The following CCSER1 variants were observed in gnomAD, a reference collection of about 807,000 sequenced individuals.
The protein encoded by CCSER1 is coiled-coil serine rich protein 1, also known as serine-rich coiled-coil domain-containing protein 1.
A neutral mutation model predicts 82.0 loss-of-function variants in CCSER1; 41 were observed. The observed-to-expected ratio is 0.50, with a 90% confidence interval of 0.39 to 0.65. The LOEUF is 0.65. Ranked by LOEUF, CCSER1 falls within the 30% of genes least tolerant of loss-of-function variation. CCSER1 has a pLI of 0.00. For synonymous variants in CCSER1, 414 were observed against 383.9 expected (o/e 1.08, Z -0.92); for missense variants, 1,119 against 1,064.2 (o/e 1.05, Z -0.72).
chr4:91,507,559 T>G (rs1578649908), intron 10 of CCSER1, among the ~76,000 whole-genome samples: 1 of 151,980 alleles, frequency 6.6e-6, no homozygotes, highest in East Asian at 1.9e-4. Flanking sequence ...GTATCATTTT[T>G]GAGGAATCAT....
At chr4:90,891,144 G>A (rs1722904274) in intron 8 of CCSER1, among the ~76,000 whole-genome samples, 1 of 151,432 alleles carries the variant, frequency 6.6e-6, no homozygotes, top group South Asian at 2.1e-4. Context: ...AACAGAAAAA[G>A]CAAATAATAA....
chr4:91,170,514 A>T (rs1732642055), intron 10 of CCSER1, among the ~76,000 whole-genome samples: 3 of 152,198 alleles, frequency 2.0e-5, no homozygotes, highest in Admixed American at 2.0e-4. Context: ...GATAAGTGTG[A>T]CTGGGTGTGA....
intron 4 of CCSER1, among the ~76,000 whole-genome samples, chr4:90,417,408 G>A (rs1045829350): frequency 6.6e-6 from 1 of 151,794 alleles, no homozygotes; most frequent in African/African-American, 2.4e-5. Context: ...TACTCAAAGA[G>A]AAATTATGGC....
At chr4:90,693,367 C>T (rs1006377412) in intron 6 of CCSER1, 7 of 151,874 alleles carry the variant, frequency 4.6e-5, no homozygotes, top group African/African-American at 7.2e-5. Flanking sequence ...CACAAATTCA[C>T]ATTTTCTTTT....
chr4:90,631,434 G>A (rs1724405569), intron 6 of CCSER1, among the ~76,000 whole-genome samples: 1 of 152,096 alleles, frequency 6.6e-6, no homozygotes, highest in African/African-American at 2.4e-5. Context: ...TTTCTTGTGA[G>A]CAAATCAAGT....
chr4:90,934,022 G>A (rs1730613598), intron 9 of CCSER1, among the ~76,000 whole-genome samples: 1 of 151,570 alleles, frequency 6.6e-6, no homozygotes, highest in African/African-American at 2.4e-5. Context: ...ACCTAGCAAT[G>A]GTATCTCTAG....
rs552967633 is a variant in CCSER1, at chr4:90,168,575, C to T, written c.-42+40744C>T. Among the ~76,000 whole-genome samples the T allele has an allele frequency of 1.7e-4, 26 of 152,184 alleles. No homozygotes were observed. In the South Asian group the frequency reaches 2.3e-3, roughly 13 times the overall value. Reference sequence around the variant, plus strand: ...CATGCCTATGTCCTGAATGGTACTGCCTAGGTTTTCTTCTAGGGTTTTTAT... The same window carrying T: ...CATGCCTATGTCCTGAATGGTACTGTCTAGGTTTTCTTCTAGGGTTTTTAT... On this transcript the variant is annotated intron_variant, in intron 1 of 10. Transcript: ENST00000509176.
At chr4:91,151,141 T>G (rs2148953053) in intron 10 of CCSER1, among the ~76,000 whole-genome samples, 1 of 152,288 alleles carries the variant, frequency 6.6e-6, no homozygotes, top group Middle Eastern at 3.4e-3. Flanking sequence ...TTGCCTCAAT[T>G]TCAGAGTCTG....
At chr4:91,159,831 T>C (rs1007913745) in intron 10 of CCSER1, among the ~76,000 whole-genome samples, 1 of 151,892 alleles carries the variant, frequency 6.6e-6, no homozygotes, top group Non-Finnish European at 1.5e-5. Flanking sequence ...CTAATCAAAT[T>C]CTAAGATATT....
intron 9 of CCSER1, among the ~76,000 whole-genome samples, chr4:90,990,657 C>T (rs1736949719): frequency 6.6e-6 from 1 of 151,896 alleles, no homozygotes; most frequent in South Asian, 2.1e-4. Flanking sequence ...TGCACTGAAT[C>T]AGAATTTCTG....
chr4:91,139,165 A>G (rs1728780769), intron 10 of CCSER1, among the ~76,000 whole-genome samples: 1 of 152,178 alleles, frequency 6.6e-6, no homozygotes, highest in African/African-American at 2.4e-5. Flanking sequence ...TAATTCATTT[A>G]GAAGAATGAA....
rs1731704774 is a variant in CCSER1, at chr4:90,665,976, G to A, written c.1932+37744G>A. Among the ~76,000 whole-genome samples the A allele has an allele frequency of 2.0e-5, 3 of 152,006 alleles. No homozygotes were observed. In the South Asian group the frequency reaches 6.2e-4, roughly 32 times the overall value. On this transcript the variant is annotated intron_variant, in intron 6 of 10. Coordinates refer to ENST00000509176, the MANE Select transcript of CCSER1 (RefSeq NM_001145065.2). ...CATAATTCATTTCCTTGTTGCTGTTGGCTGACTTCCCCATTTCCTTACAGG... is the reference window on the plus strand; with the variant it reads ...CATAATTCATTTCCTTGTTGCTGTTAGCTGACTTCCCCATTTCCTTACAGG...
chr4:90,251,861 T>A (rs79061261), intron 1 of CCSER1, among the ~76,000 whole-genome samples: 6,814 of 151,942 alleles, frequency 0.045, 398 homozygotes, highest in African/African-American at 0.13. Context: ...CAAAAATAAT[T>A]TGAGTCTTTT....
chr4:90,304,554 A>T (rs545448318), intron 1 of CCSER1, among the ~76,000 whole-genome samples: 123 of 152,308 alleles, frequency 8.1e-4, no homozygotes, highest in Non-Finnish European at 1.6e-3. Context: ...AAGAACAAAA[A>T]ACCCAACACT....
At chr4:90,168,305 C>T (rs1730919804) in intron 1 of CCSER1, among the ~76,000 whole-genome samples, 1 of 151,948 alleles carries the variant, frequency 6.6e-6, no homozygotes, top group African/African-American at 2.4e-5. Context: ...ATCCTTTGCC[C>T]ACTTTTTGAT....
At chr4:90,684,806 G>C (rs62314422) in intron 6 of CCSER1, among the ~76,000 whole-genome samples, 1 of 151,702 alleles carries the variant, frequency 6.6e-6, no homozygotes, top group Non-Finnish European at 1.5e-5. Flanking sequence ...TCACAAGATC[G>C]ATGGTTATTA....
At chr4:91,558,343 T>C (rs17018614) in intron 10 of CCSER1, among the ~76,000 whole-genome samples, 10,563 of 151,696 alleles carry the variant, frequency 0.07, 549 homozygotes, top group South Asian at 0.16. Flanking sequence ...AGCGTATTGT[T>C]TTTTGATAAT....
chr4:90,896,815 C>A (rs944639445), intron 8 of CCSER1, among the ~76,000 whole-genome samples: 6 of 151,952 alleles, frequency 3.9e-5, no homozygotes, highest in Middle Eastern at 6.8e-3. Context: ...TAATTCTATT[C>A]TTACAATTTA....
At chr4:90,474,697 A>T (rs1267322826) in intron 5 of CCSER1, among the ~76,000 whole-genome samples, 1 of 152,212 alleles carries the variant, frequency 6.6e-6, no homozygotes, top group Non-Finnish European at 1.5e-5. Flanking sequence ...TGGAGGATAG[A>T]CTGAGTGGCT....
Sources: gnomAD v4.1 joint callset for allele counts (sites outside exome capture counted in the v4.1 genomes callset) on GRCh38, gnomAD v4.1.1 for gene constraint, MANE v1.5 for transcripts, NCBI Gene and HGNC (gene_info 2026-07-23, HGNC 2026-07-21) for gene names.